GLYAT: variants seen among roughly 807,000 people sequenced by gnomAD.
The protein encoded by GLYAT is glycine-N-acyltransferase.
GLYAT carries 25 observed loss-of-function variants against 22.8 expected under a neutral mutation model. That is an observed-to-expected ratio of 1.09 (90% CI 0.80 to 1.53). The LOEUF is 1.53. GLYAT is among the 40% of genes most tolerant of loss of function. The pLI is 0.00. For missense variants in GLYAT, 411 were observed against 353.9 expected (o/e 1.16, Z -1.29); for synonymous variants, 140 against 122.7 (o/e 1.14, Z -0.93).
intron 2 of GLYAT, among the ~76,000 whole-genome samples, chr11:58,716,561 G>T (rs181997583): frequency 6.6e-6 from 1 of 152,144 alleles, no homozygotes; most frequent in Admixed American, 6.5e-5. Context: ...TTACACATTT[G>T]TACCTGGGGC....
chr11:58,724,538 G>A (rs1856792242), intron 1 of GLYAT, 27 bp from the exon 2 acceptor site: 3 of 1,273,518 alleles, frequency 2.4e-6, no homozygotes, highest in Non-Finnish European at 1.1e-6. Flanking sequence ...GGAACATACA[G>A]GATTGAGAAA....
chr11:58,717,260 G>A (rs1856692877), intron 2 of GLYAT, among the ~76,000 whole-genome samples: 1 of 152,000 alleles, frequency 6.6e-6, no homozygotes, highest in Non-Finnish European at 1.5e-5. Context: ...TTTATTTCTA[G>A]ATGGGTAGGT....
chr11:58,730,445 A>G (rs1289898730), intron 1 of GLYAT, among the ~76,000 whole-genome samples: 1 of 152,222 alleles, frequency 6.6e-6, no homozygotes, highest in Non-Finnish European at 1.5e-5. Context: ...GCAGAAAAAA[A>G]GAATACATTC....
At position 58,709,583 on chromosome 11, in the gene GLYAT, T is replaced by G; in HGVS notation, c.*183A>C. 6.8e-6 allele frequency: 4 copies of G among 590,960 alleles called. No individual in the cohort carries two copies. The highest frequency in any genetic ancestry group is 1.1e-5 in the Non-Finnish European group (4 of 352,748). The allele number at this position is 590,960 out of a possible 1,614,324, so 36.6% of individuals were successfully genotyped here. ...AAGAGGACCTGGGCCTGCTTCCCAC[T>G]GAGAAACCTGTGAATGCAGGGACCA... is the stretch of plus-strand genomic sequence containing the variant. On this transcript the variant is annotated 3_prime_UTR_variant, in exon 6 of 6. Transcript: ENST00000344743.
At chr11:58,721,919 C>A (rs1856755314) in intron 2 of GLYAT, among the ~76,000 whole-genome samples, 1 of 151,800 alleles carries the variant, frequency 6.6e-6, no homozygotes, top group Admixed American at 6.6e-5. Flanking sequence ...AAAAGTTAAG[C>A]AAAACTAACA....
rs114893401 is a variant in GLYAT at position 58,714,874 on chromosome 11, G to A, written c.189+442C>T. On this transcript the variant is annotated intron_variant, in intron 3 of 5. Transcript: ENST00000344743. ...ATGTCTTTATTAGTAGCATGAGAAC[G>A]GACTAAAACAATAGTCACTCTAACT... is the stretch of plus-strand genomic sequence containing the variant. 3.1e-3 allele frequency among the ~76,000 whole-genome samples: 466 copies of A among 152,122 alleles called. 5 individuals carry two copies. The highest frequency in any genetic ancestry group is 0.02 in the Middle Eastern group (6 of 294).
At chr11:58,711,406 G>T (rs1367325939) in intron 4 of GLYAT, among the ~76,000 whole-genome samples, 2 of 152,158 alleles carry the variant, frequency 1.3e-5, no homozygotes, top group African/African-American at 2.4e-5. Context: ...CCTTTCTGCA[G>T]AAAGTAAAAA....
chr11:58,709,567 T>G lies in GLYAT; in HGVS notation c.*199A>C. The G allele has an allele frequency of 1.9e-6, 1 of 537,518 alleles. No individual in the cohort carries two copies. Among genetic ancestry groups the G allele is most frequent in the Non-Finnish European group, 3.2e-6 (1 of 309,560 alleles). The allele number at this position is 537,518 out of a possible 1,614,324, so 33.3% of individuals were successfully genotyped here. A position where few individuals can be genotyped will look rare whatever the true frequency, so the allele number is the denominator to read the frequency against. On this transcript the variant is annotated 3_prime_UTR_variant, in exon 6 of 6. Coordinates refer to ENST00000344743, the MANE Select transcript of GLYAT (RefSeq NM_201648.3). ...TGCTTATGTCAAATGTAAGAGGACC[T>G]GGGCCTGCTTCCCACTGAGAAACCT...
rs541574640 is a variant in GLYAT at position 58,726,913 on chromosome 11, C to A, written c.-15-2402G>T. ...ATTTGCCCTCGACATAAAGGAGGAACCTCTGGAGGCCTTGGGACTTAGGGC... is the reference window on the plus strand; with the variant it reads ...ATTTGCCCTCGACATAAAGGAGGAAACTCTGGAGGCCTTGGGACTTAGGGC... On this transcript the variant is annotated intron_variant, in intron 1 of 5. Transcript: ENST00000344743. Among the ~76,000 whole-genome samples the A allele has an allele frequency of 7.9e-5, 12 of 152,100 alleles. No homozygotes were observed. In the East Asian group the frequency reaches 1.4e-3, roughly 17 times the overall value.
chr11:58,728,941 G>GGAAA (rs1565061169), intron 1 of GLYAT, among the ~76,000 whole-genome samples: 70 of 141,044 alleles, frequency 5.0e-4, no homozygotes, highest in African/African-American at 1.8e-3. Flanking sequence ...AAGGAAGGAA[G>GGAAA]GAAGGAGAGA....
intron 2 of GLYAT, chr11:58,724,181 T>C (rs1231137300): frequency 1.2e-5 from 5 of 424,672 alleles, no homozygotes; most frequent in African/African-American, 1.0e-4. Flanking sequence ...TATCATAGCA[T>C]TGCAACTCAG....
chr11:58,724,394 T>A lies in GLYAT; in HGVS notation c.81+22A>T, dbSNP rs1326195686. The A allele has an allele frequency of 2.2e-6, 3 of 1,387,638 alleles. No individual in the cohort carries two copies. In the African/African-American group the frequency reaches 4.3e-5, roughly 20 times the overall value. The allele number at this position is 1,387,638 out of a possible 1,614,324, so 86.0% of individuals were successfully genotyped here. On this transcript the variant is annotated intron_variant, in intron 2 of 5. Coordinates refer to ENST00000344743, the MANE Select transcript of GLYAT (RefSeq NM_201648.3). ...ACATCAAGTTTGTCTTCTTTACTCCTCTCAGAATTTTCCATTATCACCTTT... is the reference window on the plus strand; with the variant it reads ...ACATCAAGTTTGTCTTCTTTACTCCACTCAGAATTTTCCATTATCACCTTT...
intron 3 of GLYAT, 105 bp downstream of exon 3, chr11:58,715,211 T>C (rs1025573681): frequency 6.6e-6 from 4 of 608,858 alleles, no homozygotes; most frequent in Non-Finnish European, 1.2e-5. Context: ...TGTTGACTAT[T>C]ACTATGATTT....
At chr11:58,719,855 CTT>C (rs1313561703) in intron 2 of GLYAT, among the ~76,000 whole-genome samples, 5 of 151,860 alleles carry the variant, frequency 3.3e-5, no homozygotes, top group Non-Finnish European at 7.4e-5. Context: ...CAAATGAAAA[CTT>C]AATATGATAA....
At chr11:58,730,762 C>G (rs1856863602) in intron 1 of GLYAT, among the ~76,000 whole-genome samples, 1 of 152,096 alleles carries the variant, frequency 6.6e-6, no homozygotes, top group South Asian at 2.1e-4. Flanking sequence ...CAGAGTGTCT[C>G]TAAATACAAA....
intron 1 of GLYAT, among the ~76,000 whole-genome samples, chr11:58,725,338 A>C (rs189484503): frequency 1.3e-5 from 2 of 152,252 alleles, no homozygotes; most frequent in Non-Finnish European, 2.9e-5. Context: ...TTACCTAAAC[A>C]CTTCATAACA....
At chr11:58,722,096 G>C (rs1300229324) in intron 2 of GLYAT, among the ~76,000 whole-genome samples, 1 of 151,970 alleles carries the variant, frequency 6.6e-6, no homozygotes, top group Non-Finnish European at 1.5e-5. Flanking sequence ...TTAATAATTT[G>C]ACCAAATTTG....
At chr11:58,731,778 A>G (rs561443095) in intron 1 of GLYAT, 57 bp downstream of exon 1, 1 of 152,270 alleles carries the variant, frequency 6.6e-6, no homozygotes, top group South Asian at 2.1e-4. Context: ...CATGTTGTAC[A>G]TTAGATCTCT....
At position 58,715,438 on chromosome 11, in the gene GLYAT, GA is replaced by G. The variant is rs754573870; in HGVS notation, c.82-16del. 3.0e-5 allele frequency: 35 copies of G among 1,148,206 alleles called. No individual in the cohort carries two copies. Among genetic ancestry groups the G allele is most frequent in the Admixed American group, 2.8e-4 (16 of 56,584 alleles). 71.1% of individuals were successfully genotyped at this position (1,148,206 alleles called of 1,614,324 possible). A position where few individuals can be genotyped will look rare whatever the true frequency, so the allele number is the denominator to read the frequency against. ...GTTCCATAAACCTGCAGGATCCCAA[GA>G]AATTGACAGGGTTGGTTTATTTGAA... On this transcript the variant is annotated splice_polypyrimidine_tract_variant and intron_variant, in intron 2 of 5. Transcript: ENST00000344743.
Sources: gnomAD v4.1 joint callset for allele counts (sites outside exome capture counted in the v4.1 genomes callset) on GRCh38, gnomAD v4.1.1 for gene constraint, MANE v1.5 for transcripts, NCBI Gene and HGNC (gene_info 2026-07-23, HGNC 2026-07-21) for gene names.